GRSF1: variants seen among roughly 807,000 people sequenced by gnomAD.
The protein encoded by GRSF1 is G-rich RNA sequence binding factor 1.
A neutral mutation model predicts 51.1 loss-of-function variants in GRSF1; 50 were observed. That is an observed-to-expected ratio of 0.98 (90% CI 0.78 to 1.24). The LOEUF is 1.24. Ranked by LOEUF, GRSF1 falls within the 50% of genes most tolerant of loss-of-function variation. The pLI is 0.00. For synonymous variants in GRSF1, 293 were observed against 253.3 expected (o/e 1.16, Z -1.49); for missense variants, 700 against 639.7 (o/e 1.09, Z -1.02).
rs762126036 is a variant in GRSF1 at position 70,824,346 on chromosome 4, G to C, written c.1416C>G (p.Phe472Leu). ...SHVHHRYIEL[F>L]LNSCPKGK Reference sequence around the variant, plus strand: ...ATTTTCCTTTTGGACATGAATTCAGGAACAGTTCAATATACCTATGATCTG... The same window carrying C: ...ATTTTCCTTTTGGACATGAATTCAGCAACAGTTCAATATACCTATGATCTG... The change falls in exon 9 of 10, where the codon TTC (phenylalanine) becomes TTG (leucine). Residue 472 changes from phenylalanine (F) to leucine (L), a missense_variant. By Grantham distance (22) the Phe-to-Leu change is conservative (BLOSUM62 0). Coordinates refer to ENST00000254799, the MANE Select transcript of GRSF1 (RefSeq NM_002092.4). 4 of 1,494,228 alleles carry C rather than the reference G, an allele frequency of 2.7e-6. No individual in the cohort carries two copies. The African/African-American group carries it at 5.5e-5, about 21-fold the overall frequency. The allele number at this position is 1,494,228 out of a possible 1,614,324, so 92.6% of individuals were successfully genotyped here. A position where few individuals can be genotyped will look rare whatever the true frequency, so the allele number is the denominator to read the frequency against.
At chr4:70,824,869 G>A (rs1034908750) in intron 8 of GRSF1, among the ~76,000 whole-genome samples, 2 of 152,236 alleles carry the variant, frequency 1.3e-5, no homozygotes, top group African/African-American at 2.4e-5. Context: ...TTGGGAGGTC[G>A]AGGCAGGTGG....
rs1216444650 is a variant in GRSF1, at chr4:70,817,433, CCTTT to C, written c.*3450_*3453del. 4 of 152,148 alleles carry C rather than the reference CCTTT, an allele frequency of 2.6e-5. No individual in the cohort carries two copies. Among genetic ancestry groups the C allele is most frequent in the Non-Finnish European group, 5.9e-5 (4 of 68,032 alleles). The allele number at this position is 152,148 out of a possible 1,614,324, so 9.4% of individuals were successfully genotyped here. On this transcript the variant is annotated 3_prime_UTR_variant, in exon 10 of 10. Transcript: ENST00000254799. ...AGATTAAACCTTCCTTCCTATACTT[CCTTT>C]CTAAAAATAAGAAAACCACTAGAAC...
intron 2 of GRSF1, among the ~76,000 whole-genome samples, chr4:70,833,589 C>T (rs535154170): frequency 2.0e-5 from 3 of 152,264 alleles, no homozygotes; most frequent in East Asian, 3.9e-4. Flanking sequence ...TAAGGAAATA[C>T]AATATAGTTA....
Position 70,818,129 on chromosome 4 carries a change from C to T in GRSF1, c.*2758G>A, listed in dbSNP as rs1045491146. On this transcript the variant is annotated 3_prime_UTR_variant, in exon 10 of 10. Coordinates refer to ENST00000254799, the MANE Select transcript of GRSF1 (RefSeq NM_002092.4). ...TCTTGGCTCGCTACAACCTCTGCCT[C>T]CCAGGTTCAAGCGATTCTCCTGCCT... is the stretch of plus-strand genomic sequence containing the variant. 2.0e-5 allele frequency: 3 copies of T among 152,250 alleles called. No individual in the cohort carries two copies. Among genetic ancestry groups the T allele is most frequent in the African/African-American group, 7.2e-5 (3 of 41,426 alleles). 9.4% of individuals were successfully genotyped at this position (152,250 alleles called of 1,614,324 possible). A position where few individuals can be genotyped will look rare whatever the true frequency, so the allele number is the denominator to read the frequency against.
chr4:70,816,845 G>A lies in GRSF1; in HGVS notation c.*4042C>T, dbSNP rs547609337. Reference sequence around the variant, plus strand: ...AAAAAAGATGAGACTGCAGGAGGCAGGCTATGGGATAAAGCATGGCAAAAT... The same window carrying A: ...AAAAAAGATGAGACTGCAGGAGGCAAGCTATGGGATAAAGCATGGCAAAAT... On this transcript the variant is annotated 3_prime_UTR_variant, in exon 10 of 10. Transcript: ENST00000254799. 1 of 152,360 alleles carries A rather than the reference G, an allele frequency of 6.6e-6. No homozygotes were observed. Among genetic ancestry groups the A allele is most frequent in the Non-Finnish European group, 1.5e-5 (1 of 68,052 alleles). 9.4% of individuals were successfully genotyped at this position (152,360 alleles called of 1,614,324 possible).
intron 9 of GRSF1, among the ~76,000 whole-genome samples, chr4:70,823,479 TTC>T (rs1183311456): frequency 6.9e-5 from 3 of 43,394 alleles, no homozygotes; most frequent in East Asian, 1.2e-3. Flanking sequence ...CAGCAGAATT[TTC>T]TTTTTTTTTT....
At chr4:70,842,454 G>T (rs1438698130), upstream of GRSF1, among the ~76,000 whole-genome samples, 2 of 152,132 alleles carry the variant, frequency 1.3e-5, no homozygotes, top group Non-Finnish European at 2.9e-5. Context: ...TATTTATATA[G>T]AGACAGGGTT....
Position 70,828,626 on chromosome 4 carries a change from T to C in GRSF1, c.951-590A>G, listed in dbSNP as rs553317335. The stretch of plus-strand genomic sequence containing the variant: ...TGCTGTCACCCAAGATGGTGTGCAG[T>C]GGTGTGAACATGGCTCACTGCAGCC... On this transcript the variant is annotated intron_variant, in intron 5 of 9. Coordinates refer to ENST00000254799, the MANE Select transcript of GRSF1 (RefSeq NM_002092.4). 3.3e-5 allele frequency among the ~76,000 whole-genome samples: 5 copies of C among 152,244 alleles called. No individual in the cohort carries two copies. The East Asian group carries it at 9.6e-4, about 29-fold the overall frequency.
At chr4:70,841,082 G>A (rs1734445278), upstream of GRSF1, among the ~76,000 whole-genome samples, 1 of 152,012 alleles carries the variant, frequency 6.6e-6, no homozygotes, top group Non-Finnish European at 1.5e-5. Context: ...GATCACTGGA[G>A]CCCAAGAGTT....
chr4:70,830,817 C>T (rs1166557217), intron 5 of GRSF1, among the ~76,000 whole-genome samples: 8 of 149,912 alleles, frequency 5.3e-5, no homozygotes, highest in South Asian at 4.2e-4. Context: ...AGTGAAACTC[C>T]GTTGCCAAAA....
At chr4:70,837,606 G>C (rs1157403671) in intron 1 of GRSF1, among the ~76,000 whole-genome samples, 2 of 150,446 alleles carry the variant, frequency 1.3e-5, no homozygotes, top group Non-Finnish European at 3.0e-5. Context: ...CCGGACTAAG[G>C]ACAGAGATAT....
rs771466797 is a variant in GRSF1 at position 70,832,438 on chromosome 4, T to A, written c.683A>T (p.Asn228Ile). ...CATTAAGGCATCCACATCTTCATTG[T>A]TTATCTCATATACTACGAAGAAAAA... is the stretch of plus-strand genomic sequence containing the variant. ...GQRYVEVYEI[N>I]NEDVDALMKS... The change falls in exon 4 of 10, where the codon AAC becomes ATC. Residue 228 changes from asparagine to isoleucine, a missense_variant. By Grantham distance (149) the Asn-to-Ile change is moderately radical. Coordinates refer to ENST00000254799, the MANE Select transcript of GRSF1 (RefSeq NM_002092.4). The A allele has an allele frequency of 2.5e-6, 4 of 1,604,332 alleles. No individual in the cohort carries two copies. The highest frequency in any genetic ancestry group is 3.4e-6 in the Non-Finnish European group (4 of 1,171,232).
intron 9 of GRSF1, among the ~76,000 whole-genome samples, chr4:70,821,930 C>G (rs1261051759): frequency 6.6e-6 from 1 of 152,090 alleles, no homozygotes; most frequent in Admixed American, 6.5e-5. Flanking sequence ...CCTGCCTCAG[C>G]CTCCTGAAGT....
Position 70,819,925 on chromosome 4 carries a change from C to T in GRSF1, c.*962G>A, listed in dbSNP as rs1733439095. 6.6e-6 allele frequency: 1 copy of T among 152,652 alleles called. No individual in the cohort carries two copies. Among genetic ancestry groups the T allele is most frequent in the East Asian group, 1.9e-4 (1 of 5,202 alleles). 9.5% of individuals were successfully genotyped at this position (152,652 alleles called of 1,614,324 possible). ...TCCATAAACCCTTCACACAATTATA[C>T]ATTAAATGCTATTTTTATTTAAGCA... On this transcript the variant is annotated 3_prime_UTR_variant, in exon 10 of 10. Transcript: ENST00000254799.
intron 7 of GRSF1, 174 bp downstream of exon 7, chr4:70,825,950 G>A (rs1015619154): frequency 1.7e-6 from 1 of 586,574 alleles, no homozygotes; most frequent in African/African-American, 1.9e-5. Context: ...GTAATACCAA[G>A]CCACACTTTT....
rs1357931181 is a variant in GRSF1 at position 70,820,858 on chromosome 4, C to T, written c.*29G>A. On this transcript the variant is annotated 3_prime_UTR_variant, in exon 10 of 10. Transcript: ENST00000254799. ...TGTGCAAATGAAATGCTTCTTGCTT[C>T]ACCCTAAAAATAAAACAAAAAATAT... 6.6e-6 allele frequency: 1 copy of T among 152,576 alleles called. No homozygotes were observed. The highest frequency in any genetic ancestry group is 1.5e-5 in the Non-Finnish European group (1 of 68,024). 9.5% of individuals were successfully genotyped at this position (152,576 alleles called of 1,614,324 possible).
chr4:70,835,359 G>A (rs1023625148), intron 2 of GRSF1, among the ~76,000 whole-genome samples: 1 of 150,666 alleles, frequency 6.6e-6, no homozygotes, highest in Non-Finnish European at 1.5e-5. Context: ...GAACCCGGGA[G>A]GCGGAGCTTG....
At chr4:70,841,038 A>C (rs1207243584), upstream of GRSF1, among the ~76,000 whole-genome samples, 1 of 152,128 alleles carries the variant, frequency 6.6e-6, no homozygotes, top group East Asian at 1.9e-4. Context: ...GCTCATGCCT[A>C]TAATCCCAGC....
chr4:70,827,906 C>T lies in GRSF1; in HGVS notation c.1081G>A (p.Glu361Lys). ...ATGGGTTGAATATCCTCATTTACTT[C>T]ATGTTCTTCAAAGACCATTTCTGGC... ...TEPEMVFEEH[E>K]VNEDIQPMTA... Residue 361 changes from glutamate (E) to lysine (K), a missense_variant, in exon 6 of 10, where the codon GAA becomes AAA. By Grantham distance (56) the Glu-to-Lys change is moderately conservative (BLOSUM62 1). Transcript: ENST00000254799. 6.2e-7 allele frequency: 1 copy of T among 1,613,308 alleles called. No individual in the cohort carries two copies.
Sources: allele counts gnomAD v4.1 joint callset (sites outside exome capture counted in the v4.1 genomes callset), GRCh38; gene constraint gnomAD v4.1.1; transcripts MANE v1.5; gene names NCBI Gene and HGNC (gene_info 2026-07-23, HGNC 2026-07-21).